Variants in COMMD1 observed in about 807,000 individuals in gnomAD.
The protein encoded by COMMD1 is COMM domain-containing protein 1.
In COMMD1, 10 loss-of-function variants were observed where a neutral mutation model predicts 17.2. The observed-to-expected ratio is 0.58, with a 90% CI of 0.36 to 0.99. The LOEUF is 0.99. Ranked by LOEUF, COMMD1 falls within the 50% of genes least tolerant of loss-of-function variation. COMMD1 has a pLI of 0.01. For synonymous variants in COMMD1, 97 were observed against 91.6 expected (o/e 1.06, Z -0.34); for missense variants, 270 against 231.8 (o/e 1.17, Z -1.07).
intron 2 of COMMD1, among the ~76,000 whole-genome samples, chr2:62,108,747 G>A (rs1424723042): frequency 1.3e-5 from 2 of 152,074 alleles, no homozygotes; most frequent in African/African-American, 2.4e-5. Flanking sequence ...ATCATTCTGC[G>A]AAGGTGGCAT....
At chr2:61,989,102 A>G (rs1490412069) in intron 1 of COMMD1, among the ~76,000 whole-genome samples, 1 of 152,144 alleles carries the variant, frequency 6.6e-6, no homozygotes, top group African/African-American at 2.4e-5. Context: ...AGGTATTGTG[A>G]TCACTCACCT....
chr2:61,967,769 T>G (rs1671541915), intron 1 of COMMD1, among the ~76,000 whole-genome samples: 1 of 152,200 alleles, frequency 6.6e-6, no homozygotes, highest in African/African-American at 2.4e-5. Flanking sequence ...TTTCTTTGCT[T>G]TAAAAAATGT....
intron 2 of COMMD1, among the ~76,000 whole-genome samples, chr2:62,103,268 G>A (rs930241316): frequency 6.6e-6 from 1 of 152,132 alleles, no homozygotes; most frequent in Non-Finnish European, 1.5e-5. Context: ...GAGCCACTGC[G>A]CCCGGCCTCC....
chr2:62,103,541 C>T (rs1301834897), intron 2 of COMMD1, among the ~76,000 whole-genome samples: 3 of 152,192 alleles, frequency 2.0e-5, no homozygotes, highest in South Asian at 2.1e-4. Flanking sequence ...AGGTGTAGAC[C>T]GTATATAGAA....
intron 2 of COMMD1, among the ~76,000 whole-genome samples, chr2:62,122,386 A>C (rs914382175): frequency 3.3e-5 from 5 of 152,038 alleles, no homozygotes; most frequent in Non-Finnish European, 5.9e-5. Flanking sequence ...GTTGAATCAA[A>C]GAGCTGGGAA....
intron 2 of COMMD1, among the ~76,000 whole-genome samples, chr2:62,007,329 C>T (rs1469444684): frequency 6.6e-6 from 1 of 152,036 alleles, no homozygotes; most frequent in African/African-American, 2.4e-5. Context: ...ATTCACTGAC[C>T]ATACATTACA....
At chr2:62,115,284 G>A (rs1672560658) in intron 2 of COMMD1, among the ~76,000 whole-genome samples, 1 of 152,218 alleles carries the variant, frequency 6.6e-6, no homozygotes, top group African/African-American at 2.4e-5. Context: ...AGAGGAACTA[G>A]TCAATAGATT....
At chr2:62,056,553 TAA>T (rs1463474633) in intron 2 of COMMD1, among the ~76,000 whole-genome samples, 1 of 152,216 alleles carries the variant, frequency 6.6e-6, no homozygotes, top group African/African-American at 2.4e-5. Context: ...AGTCGGCAGA[TAA>T]AGTGGCTGCG....
chr2:61,947,515 C>G (rs1003283986), intron 1 of COMMD1, among the ~76,000 whole-genome samples: 1 of 151,884 alleles, frequency 6.6e-6, no homozygotes, highest in Non-Finnish European at 1.5e-5. Flanking sequence ...GAAACCCTGT[C>G]TCTACTAAAA....
At chr2:62,036,775 G>C (rs1670052008) in intron 2 of COMMD1, among the ~76,000 whole-genome samples, 1 of 152,146 alleles carries the variant, frequency 6.6e-6, no homozygotes, top group Non-Finnish European at 1.5e-5. Context: ...CTGAATTTAA[G>C]ATTTATTTTC....
At chr2:61,912,964 A>G (rs1669947866) in intron 1 of COMMD1, among the ~76,000 whole-genome samples, 1 of 152,136 alleles carries the variant, frequency 6.6e-6, no homozygotes. Context: ...TGGAGTGAGA[A>G]GATTGCTTGA....
chr2:61,947,155 G>A (rs543325230), intron 1 of COMMD1, among the ~76,000 whole-genome samples: 1 of 152,080 alleles, frequency 6.6e-6, no homozygotes, highest in Admixed American at 6.6e-5. Context: ...TTTACTAAGA[G>A]ACCCAAATAT....
intron 1 of COMMD1, among the ~76,000 whole-genome samples, chr2:61,972,739 C>G (rs936800842): frequency 1.3e-5 from 2 of 152,238 alleles, no homozygotes; most frequent in Non-Finnish European, 2.9e-5. Flanking sequence ...CTCCTCAAAA[C>G]TGTCATGAAT....
At chr2:62,122,979 T>A (rs544628702) in intron 2 of COMMD1, among the ~76,000 whole-genome samples, 1 of 152,298 alleles carries the variant, frequency 6.6e-6, no homozygotes, top group South Asian at 2.1e-4. Context: ...GACTTTGGTT[T>A]TTATTGAGAT....
At chr2:61,987,923 AG>A (rs1415447055) in intron 1 of COMMD1, among the ~76,000 whole-genome samples, 1 of 152,148 alleles carries the variant, frequency 6.6e-6, no homozygotes, top group Non-Finnish European at 1.5e-5. Context: ...CCCTTCTCCC[AG>A]GCAGGAGAGC....
chr2:62,008,090 C>T (rs1419058352), intron 2 of COMMD1, among the ~76,000 whole-genome samples: 1 of 151,968 alleles, frequency 6.6e-6, no homozygotes, highest in Non-Finnish European at 1.5e-5. Context: ...AGTGAGGATC[C>T]CTTGTGCCCA....
chr2:62,121,371 CAAAAAAAAAAAAAA>C (rs55789110), intron 2 of COMMD1, among the ~76,000 whole-genome samples: 1 of 47,230 alleles, frequency 2.1e-5, no homozygotes, highest in South Asian at 9.7e-4. Context: ...GACTCTTTCT[CAAAAAAAAAAAAAA>C]AAAAAAAAAA....
intron 2 of COMMD1, among the ~76,000 whole-genome samples, chr2:62,105,433 C>T (rs187325470): frequency 6.6e-6 from 1 of 151,274 alleles, no homozygotes; most frequent in African/African-American, 2.4e-5. Context: ...ATTAATGCTA[C>T]ATAATATGTA....
At chr2:62,041,033 T>C (rs912247994) in intron 2 of COMMD1, among the ~76,000 whole-genome samples, 1 of 152,184 alleles carries the variant, frequency 6.6e-6, no homozygotes, top group Admixed American at 6.5e-5. Flanking sequence ...TTGGTCACTG[T>C]TTTCCTCTTC....
Sources: gnomAD v4.1 joint callset for allele counts (sites outside exome capture counted in the v4.1 genomes callset) on GRCh38, gnomAD v4.1.1 for gene constraint, MANE v1.5 for transcripts, NCBI Gene and HGNC (gene_info 2026-07-23, HGNC 2026-07-21) for gene names.